The following MSH4 variants were observed in gnomAD, a reference collection of about 807,000 sequenced individuals.
MSH4 encodes the protein mutS protein homolog 4.
A neutral mutation model predicts 113.7 loss-of-function variants in MSH4; 106 were observed. The ratio of observed to expected loss-of-function variants is 0.93; its 90% CI spans 0.80 to 1.10. The LOEUF is 1.10. Among genes scored for constraint, MSH4 ranks in the 50% least tolerant of loss-of-function variants. The pLI, the probability that MSH4 is intolerant of heterozygous loss-of-function variation, is 0.00. For synonymous variants in MSH4, 368 were observed against 380.2 expected (o/e 0.97, Z 0.37); for missense variants, 1,061 against 1,093.7 (o/e 0.97, Z 0.42).
Position 75,807,149 on chromosome 1 carries a change from T to C in MSH4, c.588+8T>C. 6.5e-7 allele frequency: 1 copy of C among 1,528,042 alleles called. No individual in the cohort carries two copies. The highest frequency in any genetic ancestry group is 8.7e-7 in the Non-Finnish European group (1 of 1,146,770). The allele number at this position is 1,528,042 out of a possible 1,614,324, so 94.7% of individuals were successfully genotyped here. On this transcript the variant is annotated splice_region_variant and intron_variant, in intron 3 of 19. Transcript: ENST00000263187. ...AACACAACATATGCAAAGGTAAGTATTAATAATTCTAGAAAATGGTTGCTC... is the reference window on the plus strand; with the variant it reads ...AACACAACATATGCAAAGGTAAGTACTAATAATTCTAGAAAATGGTTGCTC...
intron 7 of MSH4, among the ~76,000 whole-genome samples, chr1:75,834,335 C>T (rs1650778689): frequency 6.6e-6 from 1 of 152,184 alleles, no homozygotes; most frequent in Admixed American, 6.5e-5. Context: ...GTTGGTGGGA[C>T]TGTAAACTAG....
At chr1:75,873,490 A>G (rs1002755846) in intron 9 of MSH4, among the ~76,000 whole-genome samples, 6 of 151,940 alleles carry the variant, frequency 3.9e-5, no homozygotes, top group Admixed American at 3.3e-4. Flanking sequence ...GTTATGTTGT[A>G]CAGATTATTT....
intron 14 of MSH4, 69 bp from the exon 15 acceptor site, chr1:75,883,552 A>G (rs1308582099): frequency 4.0e-6 from 5 of 1,240,358 alleles, no homozygotes; most frequent in Non-Finnish European, 5.7e-6. Context: ...TAGACAATAC[A>G]TACACACTAC....
intron 9 of MSH4, among the ~76,000 whole-genome samples, chr1:75,873,748 T>TTATATATATA (rs61020580): frequency 5.8e-4 from 88 of 150,432 alleles, no homozygotes; most frequent in African/African-American, 8.5e-4. Context: ...GATCTTGTTT[T>TTATATATATA]TATATATATA....
intron 6 of MSH4, among the ~76,000 whole-genome samples, chr1:75,819,733 CAG>C (rs1269604943): frequency 1.3e-5 from 2 of 152,142 alleles, no homozygotes; most frequent in African/African-American, 4.8e-5. Flanking sequence ...TTGTTTTAGA[CAG>C]AGTCTCACTT....
rs367642206 is a variant in MSH4, at chr1:75,796,964, G to A, written c.-22G>A. The A allele has an allele frequency of 4.3e-6, 7 of 1,612,734 alleles. No individual in the cohort carries two copies. The African/African-American group carries it at 8.0e-5, about 18-fold the overall frequency. ...GTCGCTCAGAAACCTCATACTTCTC[G>A]GGTCAGGGAAGGTTTGGGAGGATGC... On this transcript the variant is annotated 5_prime_UTR_variant, in exon 1 of 20. Coordinates refer to ENST00000263187, the MANE Select transcript of MSH4 (RefSeq NM_002440.4).
At chr1:75,812,738 C>A (rs898026276) in intron 4 of MSH4, among the ~76,000 whole-genome samples, 1 of 152,050 alleles carries the variant, frequency 6.6e-6, no homozygotes, top group Non-Finnish European at 1.5e-5. Flanking sequence ...CTGGCACTTA[C>A]CAAAGTTAGG....
intron 10 of MSH4, 48 bp downstream of exon 10, chr1:75,877,048 C>T: frequency 8.1e-7 from 1 of 1,241,540 alleles, no homozygotes. Context: ...TTCTCTTCTT[C>T]CTGATCATAA....
chr1:75,878,926 G>C (rs752499373), intron 11 of MSH4, 66 bp from the exon 12 acceptor site: 37 of 1,380,986 alleles, frequency 2.7e-5, no homozygotes, highest in Non-Finnish European at 3.5e-5. Context: ...TTAAAACAGA[G>C]TGATTTTTCT....
In MSH4 at chr1:75,814,912, A is replaced by C. The variant is rs1650264423; in HGVS notation, c.700-109A>C. The C allele has an allele frequency of 1.9e-5, 12 of 638,968 alleles. No homozygotes were observed. The South Asian group carries it at 2.0e-4, about 11-fold the overall frequency. 39.6% of individuals were successfully genotyped at this position (638,968 alleles called of 1,614,324 possible). On this transcript the variant is annotated intron_variant, in intron 4 of 19. Transcript: ENST00000263187. ...AGAAAAGTTCTTATTTAAATGTTGA[A>C]ATTTTTATACAATATTTAAGCCACT...
intron 9 of MSH4, among the ~76,000 whole-genome samples, chr1:75,869,152 G>A (rs896602802): frequency 5.9e-5 from 9 of 152,192 alleles, no homozygotes; most frequent in Non-Finnish European, 1.0e-4. Flanking sequence ...GTCTCAGATG[G>A]AGATGAGGGA....
rs776214801 is a variant in MSH4, at chr1:75,898,089, A to T, written c.2530+8A>T. 8.4e-6 allele frequency: 13 copies of T among 1,538,482 alleles called. No homozygotes were observed. The highest frequency in any genetic ancestry group is 4.6e-5 in the East Asian group (2 of 43,374). The stretch of plus-strand genomic sequence containing the variant: ...CAGAAGAGAAAAATTATGGTACTGC[A>T]TATAGAAATTATACCTATACATTCA... On this transcript the variant is annotated splice_region_variant and intron_variant, in intron 18 of 19. Coordinates refer to ENST00000263187, the MANE Select transcript of MSH4 (RefSeq NM_002440.4).
chr1:75,834,638 G>A (rs1046981488), intron 7 of MSH4, among the ~76,000 whole-genome samples: 160 of 152,182 alleles, frequency 1.1e-3, no homozygotes, highest in African/African-American at 3.7e-3. Flanking sequence ...TAGGTACATG[G>A]ATGAAGCTGG....
chr1:75,902,347 C>T (rs1242061644), intron 19 of MSH4, among the ~76,000 whole-genome samples: 3 of 151,878 alleles, frequency 2.0e-5, no homozygotes, highest in Non-Finnish European at 4.4e-5. Flanking sequence ...ATTTTTAACC[C>T]TTGCCACCTC....
chr1:75,828,843 G>T (rs543327369), intron 7 of MSH4, among the ~76,000 whole-genome samples: 1 of 152,222 alleles, frequency 6.6e-6, no homozygotes, highest in South Asian at 2.1e-4. Flanking sequence ...TTCCAAGATG[G>T]CCAAATAGGA....
chr1:75,840,665 TA>T (rs1208799826), intron 7 of MSH4, among the ~76,000 whole-genome samples: 1 of 145,732 alleles, frequency 6.9e-6, no homozygotes, highest in Non-Finnish European at 1.5e-5. Flanking sequence ...ACTTAAAGTA[TA>T]ATAATAATAA....
intron 7 of MSH4, among the ~76,000 whole-genome samples, chr1:75,824,355 G>A (rs905512424): frequency 1.3e-5 from 2 of 152,066 alleles, no homozygotes; most frequent in East Asian, 3.8e-4. Flanking sequence ...TAAGTTCCTT[G>A]TGGATTCTGG....
intron 1 of MSH4, among the ~76,000 whole-genome samples, chr1:75,802,119 A>T (rs1649950378): frequency 6.6e-6 from 1 of 152,208 alleles, no homozygotes; most frequent in African/African-American, 2.4e-5. Context: ...CATTTAGCCA[A>T]GATCACACCA....
At chr1:75,885,401 T>A (rs1478440708) in intron 15 of MSH4, among the ~76,000 whole-genome samples, 1 of 130,520 alleles carries the variant, frequency 7.7e-6, no homozygotes, top group Non-Finnish European at 1.6e-5. Context: ...TTCACCCTTT[T>A]CCTCCACCTC....
Sources: allele counts gnomAD v4.1 joint callset (sites outside exome capture counted in the v4.1 genomes callset), GRCh38; gene constraint gnomAD v4.1.1; transcripts MANE v1.5; gene names NCBI Gene and HGNC (gene_info 2026-07-23, HGNC 2026-07-21).